The following TMTC1 variants were observed in gnomAD, a reference collection of about 807,000 sequenced individuals.
TMTC1 encodes transmembrane O-mannosyltransferase targeting cadherins 1.
In TMTC1, 73 loss-of-function variants were observed where a neutral mutation model predicts 104.8. The ratio of observed to expected loss-of-function variants is 0.70; its 90% CI spans 0.58 to 0.85. TMTC1 has a LOEUF of 0.85. Ranked by LOEUF, TMTC1 falls within the 40% of genes least tolerant of loss-of-function variation. The pLI is 0.00. For missense variants in TMTC1, 1,035 were observed against 1,096.1 expected (o/e 0.94, Z 0.79); for synonymous variants, 434 against 428.7 (o/e 1.01, Z -0.15).
intron 5 of TMTC1, among the ~76,000 whole-genome samples, chr12:29,671,083 G>A (rs1940493583): frequency 1.3e-5 from 2 of 150,534 alleles, no homozygotes; most frequent in East Asian, 1.9e-4. Flanking sequence ...CACGAGGTCA[G>A]GGGTGTGAGA....
chr12:29,760,119 A>G (rs75698079), intron 2 of TMTC1, among the ~76,000 whole-genome samples: 2,319 of 152,312 alleles, frequency 0.015, 65 homozygotes, highest in African/African-American at 0.052. Context: ...AATAGGCCAT[A>G]GCATCTAGGT....
At chr12:29,707,479 TG>T in intron 5 of TMTC1, among the ~76,000 whole-genome samples, 1 of 152,150 alleles carries the variant, frequency 6.6e-6, no homozygotes, top group Non-Finnish European at 1.5e-5. Context: ...TCCTCTACTA[TG>T]AGGCTACAAA....
intron 5 of TMTC1, among the ~76,000 whole-genome samples, chr12:29,699,498 T>C (rs1309400779): frequency 6.6e-6 from 1 of 152,184 alleles, no homozygotes; most frequent in Admixed American, 6.5e-5. Context: ...ACATTGTTTT[T>C]AAGAACTCCA....
intron 11 of TMTC1, among the ~76,000 whole-genome samples, chr12:29,521,696 T>C (rs1397763291): frequency 6.6e-6 from 1 of 151,570 alleles, no homozygotes; most frequent in Non-Finnish European, 1.5e-5. Context: ...GCTCCCTGAG[T>C]AGCTGGGATT....
chr12:29,777,411 A>G (rs1266194934), intron 1 of TMTC1, among the ~76,000 whole-genome samples: 1 of 152,130 alleles, frequency 6.6e-6, no homozygotes, highest in Non-Finnish European at 1.5e-5. Context: ...CCCTCTCTTT[A>G]AGTGAGATGA....
chr12:29,762,038 C>G (rs1300868760), intron 2 of TMTC1, among the ~76,000 whole-genome samples: 1 of 152,000 alleles, frequency 6.6e-6, no homozygotes, highest in Non-Finnish European at 1.5e-5. Flanking sequence ...ATACAAATGC[C>G]TAGCCGGGTG....
In TMTC1 at chr12:29,604,302, G is replaced by A; in HGVS notation, c.1129-3C>T. 1 of 1,613,862 alleles carries A rather than the reference G, an allele frequency of 6.2e-7. No homozygotes were observed. The highest frequency in any genetic ancestry group is 1.3e-5 in the African/African-American group (1 of 75,042). ...AAAACCTCCTTGTGCTCCAGTCTCT[G>A]AAACACACAATAGTGAAGGAAACAT... is the stretch of plus-strand genomic sequence containing the variant. On this transcript the variant is annotated splice_polypyrimidine_tract_variant and splice_region_variant and intron_variant, in intron 6 of 17. Coordinates refer to ENST00000539277, the MANE Select transcript of TMTC1 (RefSeq NM_001193451.2).
At chr12:29,745,853 T>C (rs1353230892) in intron 5 of TMTC1, among the ~76,000 whole-genome samples, 1 of 152,166 alleles carries the variant, frequency 6.6e-6, no homozygotes, top group Non-Finnish European at 1.5e-5. Context: ...TCTACCACTA[T>C]CATGCTCCTA....
chr12:29,703,274 G>A (rs1037405573), intron 5 of TMTC1, among the ~76,000 whole-genome samples: 3 of 152,116 alleles, frequency 2.0e-5, no homozygotes, highest in Non-Finnish European at 4.4e-5. Flanking sequence ...GAGGTGCTTA[G>A]AGTAAAACAG....
At chr12:29,559,502 A>G (rs552963745) in intron 9 of TMTC1, among the ~76,000 whole-genome samples, 2 of 152,368 alleles carry the variant, frequency 1.3e-5, no homozygotes, top group African/African-American at 4.8e-5. Context: ...CTTAAAAACA[A>G]AAGCGAATAG....
chr12:29,596,681 GT>G (rs757752400), intron 7 of TMTC1, among the ~76,000 whole-genome samples: 6 of 152,140 alleles, frequency 3.9e-5, no homozygotes, highest in Non-Finnish European at 8.8e-5. Flanking sequence ...TTTCTCCTAG[GT>G]TTTGAGTTGA....
intron 6 of TMTC1, among the ~76,000 whole-genome samples, chr12:29,621,863 C>T (rs1030101628): frequency 6.6e-6 from 1 of 152,156 alleles, no homozygotes; most frequent in Non-Finnish European, 1.5e-5. Flanking sequence ...CTGCATTAGC[C>T]CTACCCCACC....
rs1945261326 is a variant in TMTC1, at chr12:29,556,940, T to C, written c.1593A>G (p.Ala531=). ...CCCTCTGATAGTACATCTTTGCCTC[T>C]GCTGTGTCTCTCGTCAGTGTTCCAA... ...NNLGTLTRDT[A]EAKMYYQRAL... The change falls in exon 10 of 18, where the codon GCA becomes GCG. Residue 531 remains alanine (A), a synonymous_variant. Transcript: ENST00000539277. 1 of 1,614,182 alleles carries C rather than the reference T, an allele frequency of 6.2e-7. No homozygotes were observed. The highest frequency in any genetic ancestry group is 8.5e-7 in the Non-Finnish European group (1 of 1,180,014).
chr12:29,581,756 T>C (rs987189767), intron 8 of TMTC1, among the ~76,000 whole-genome samples: 1 of 152,236 alleles, frequency 6.6e-6, no homozygotes, highest in African/African-American at 2.4e-5. Flanking sequence ...AAGCTCTGAC[T>C]AGTGAAAGAG....
At chr12:29,538,336 A>T (rs1270110077) in intron 10 of TMTC1, among the ~76,000 whole-genome samples, 1 of 152,148 alleles carries the variant, frequency 6.6e-6, no homozygotes, top group Non-Finnish European at 1.5e-5. Flanking sequence ...TTTAAATGAA[A>T]TGTATTTTTG....
chr12:29,621,972 T>C (rs1937697318), intron 6 of TMTC1, among the ~76,000 whole-genome samples: 1 of 152,266 alleles, frequency 6.6e-6, no homozygotes, highest in Admixed American at 6.5e-5. Context: ...GCTTGTTTTC[T>C]GGGGCTCGGT....
intron 5 of TMTC1, among the ~76,000 whole-genome samples, chr12:29,708,891 G>A (rs941364368): frequency 1.3e-5 from 2 of 152,008 alleles, no homozygotes; most frequent in African/African-American, 2.4e-5. Context: ...ACAAAATTTC[G>A]TCTCGATTTT....
At chr12:29,524,660 G>A (rs1283829945) in intron 11 of TMTC1, among the ~76,000 whole-genome samples, 1 of 152,168 alleles carries the variant, frequency 6.6e-6, no homozygotes, top group Non-Finnish European at 1.5e-5. Flanking sequence ...GAAGAGTGAA[G>A]GCCCCTGGCA....
intron 5 of TMTC1, among the ~76,000 whole-genome samples, chr12:29,729,520 C>T (rs1250892308): frequency 1.3e-5 from 2 of 152,290 alleles, no homozygotes; most frequent in South Asian, 2.1e-4. Flanking sequence ...TGCTAGGTCA[C>T]CTCAGGCTGA....
Sources: allele counts gnomAD v4.1 joint callset (sites outside exome capture counted in the v4.1 genomes callset), GRCh38; gene constraint gnomAD v4.1.1; transcripts MANE v1.5; gene names NCBI Gene and HGNC (gene_info 2026-07-23, HGNC 2026-07-21).